LCOR: variants seen among roughly 807,000 people sequenced by gnomAD.
The protein encoded by LCOR is ligand-dependent corepressor.
LCOR carries 14 observed loss-of-function variants against 64.4 expected under a neutral mutation model. The ratio of observed to expected loss-of-function variants is 0.22; its 90% CI spans 0.14 to 0.34. LCOR has a LOEUF of 0.34. Ranked by LOEUF, LCOR falls within the 10% of genes least tolerant of loss-of-function variation. The pLI is 1.00. For missense variants in LCOR, 1,686 were observed against 1,765.3 expected, an observed-to-expected ratio of 0.96 and a Z score of 0.80; for synonymous variants, 643 against 642.5, an observed-to-expected ratio of 1.00 and a Z score of -0.01.
intron 4 of LCOR, among the ~76,000 whole-genome samples, chr10:96,909,308 T>C (rs1287331069): frequency 6.6e-6 from 1 of 152,234 alleles, no homozygotes; most frequent in Non-Finnish European, 1.5e-5. Context: ...TTCTTTCTAA[T>C]GATATCCCAC....
chr10:96,951,223 A>G (rs1018268794), intron 6 of LCOR, among the ~76,000 whole-genome samples: 12 of 152,166 alleles, frequency 7.9e-5, no homozygotes, highest in Non-Finnish European at 1.5e-5. Flanking sequence ...TATTTCAACA[A>G]GGAGAAAAAC....
intron 7 of LCOR, 54 bp downstream of exon 7, chr10:96,952,250 G>C: frequency 8.4e-7 from 1 of 1,196,494 alleles, no homozygotes; most frequent in Non-Finnish European, 1.2e-6. Context: ...ATTCATCAAA[G>C]GTTGATGCCA....
At chr10:96,965,952 T>C (rs1048193737) in intron 7 of LCOR, among the ~76,000 whole-genome samples, 1 of 151,990 alleles carries the variant, frequency 6.6e-6, no homozygotes, top group Non-Finnish European at 1.5e-5. Flanking sequence ...CATAAATGAA[T>C]TTGCTTTATT....
chr10:96,917,910 T>C (rs917516826), intron 4 of LCOR, among the ~76,000 whole-genome samples: 1 of 152,096 alleles, frequency 6.6e-6, no homozygotes, highest in South Asian at 2.1e-4. Context: ...AGGGAAAGTT[T>C]TGGTGCAGTG....
At chr10:96,887,398 C>G (rs1286280426) in intron 2 of LCOR, among the ~76,000 whole-genome samples, 1 of 151,930 alleles carries the variant, frequency 6.6e-6, no homozygotes, top group Non-Finnish European at 1.5e-5. Context: ...CCCGTCTCTA[C>G]TAAAAATACA....
rs1045232193 is a variant in LCOR, at chr10:96,990,407, A to G, written c.*5273A>G. ...CCCAGTTAATTTTTTTTTTTTTTCC[A>G]GTTTTAGCAGAAATGAGGTCTCACT... is the stretch of plus-strand genomic sequence containing the variant. On this transcript the variant is annotated 3_prime_UTR_variant, in exon 8 of 8. Transcript: ENST00000421806. 4 of 149,456 alleles carry G rather than the reference A, an allele frequency of 2.7e-5. No individual in the cohort carries two copies. Among genetic ancestry groups the G allele is most frequent in the Non-Finnish European group, 4.5e-5 (3 of 67,408 alleles). 9.3% of individuals were successfully genotyped at this position (149,456 alleles called of 1,614,324 possible). A position where few individuals can be genotyped will look rare whatever the true frequency, so the allele number is the denominator to read the frequency against.
intron 2 of LCOR, among the ~76,000 whole-genome samples, chr10:96,848,786 C>T (rs927733239): frequency 1.3e-5 from 2 of 152,062 alleles, no homozygotes; most frequent in Non-Finnish European, 2.9e-5. Flanking sequence ...TTATTTTGTT[C>T]AAAAACACAG....
intron 2 of LCOR, among the ~76,000 whole-genome samples, chr10:96,897,054 A>T (rs1846549222): frequency 9.4e-6 from 1 of 106,742 alleles, no homozygotes; most frequent in East Asian, 2.0e-4. Context: ...CCAAGGAATG[A>T]GAGAGAGAGA....
Position 96,983,798 on chromosome 10 carries a change from A to T in LCOR, c.3338A>T (p.Asn1113Ile). The change falls in exon 8 of 8, where the codon AAC (asparagine) becomes ATC (isoleucine). Residue 1113 changes from asparagine to isoleucine, a missense_variant. Asn to Ile is a moderately radical substitution (Grantham distance 149). Coordinates refer to ENST00000421806, the MANE Select transcript of LCOR (RefSeq NM_001346516.2). The surrounding 1 kb of genome is among the most constrained non-coding windows in gnomAD (Gnocchi z 4.5). Reference sequence around the variant, plus strand: ...GAGGAGAACCAAGAGCTCATCGCCAACTTCAATGCCCAGTACATGAAAGTT... The same window carrying T: ...GAGGAGAACCAAGAGCTCATCGCCATCTTCAATGCCCAGTACATGAAAGTT... Reference protein sequence around the residue: ...AEEENQELIANFNAQYMKVQK... With the variant: ...AEEENQELIAIFNAQYMKVQK... 6.2e-7 allele frequency: 1 copy of T among 1,614,184 alleles called. No homozygotes were observed. The highest frequency in any genetic ancestry group is 8.5e-7 in the Non-Finnish European group (1 of 1,180,034).
intron 4 of LCOR, among the ~76,000 whole-genome samples, chr10:96,938,205 C>T (rs1486937007): frequency 6.6e-6 from 1 of 152,106 alleles, no homozygotes; most frequent in Non-Finnish European, 1.5e-5. Flanking sequence ...GCGATCCTCC[C>T]CAGAGAGCTG....
At position 96,981,326 on chromosome 10, in the gene LCOR, A is replaced by C; in HGVS notation, c.866A>C (p.Glu289Ala). 6.2e-7 allele frequency: 1 copy of C among 1,604,246 alleles called. No homozygotes were observed. Among genetic ancestry groups the C allele is most frequent in the Middle Eastern group, 1.7e-4 (1 of 6,046 alleles). Residue 289 changes from glutamate (E) to alanine (A), a missense_variant, in exon 8 of 8, where the codon GAG (glutamate) becomes GCG (alanine). Glu to Ala is a moderately radical substitution (Grantham distance 107, BLOSUM62 -1). This residue lies in a region of LCOR where 313 missense variants were observed against 247.2 expected (regional missense o/e 1.27). Coordinates refer to ENST00000421806, the MANE Select transcript of LCOR (RefSeq NM_001346516.2). ...TTCCACCACATCCCTAAAATCTTGGAGGGGCAGACCACTGGACAAGAGCAA... is the reference window on the plus strand; with the variant it reads ...TTCCACCACATCCCTAAAATCTTGGCGGGGCAGACCACTGGACAAGAGCAA... ...VNFHHIPKIL[E>A]GQTTGQEQDT...
intron 7 of LCOR, chr10:96,959,143 A>G (rs1045116458): frequency 2.6e-5 from 4 of 152,084 alleles, no homozygotes; most frequent in African/African-American, 9.7e-5. Flanking sequence ...TTGATTTGCC[A>G]CTATTCTGTA....
At chr10:96,940,303 A>ATTTTTTTT (rs552752409) in intron 4 of LCOR, among the ~76,000 whole-genome samples, 39 of 65,456 alleles carry the variant, frequency 6.0e-4, no homozygotes, top group Admixed American at 8.4e-4. Context: ...GGTGGTCATG[A>ATTTTTTTT]TTTTTTTTTT....
chr10:96,850,824 A>G (rs1297421427), intron 2 of LCOR, among the ~76,000 whole-genome samples: 1 of 152,226 alleles, frequency 6.6e-6, no homozygotes, highest in Non-Finnish European at 1.5e-5. Context: ...CAGATTTTCT[A>G]GGGTCATCAC....
At chr10:96,897,563 T>C (rs1400528791) in intron 2 of LCOR, among the ~76,000 whole-genome samples, 1 of 152,240 alleles carries the variant, frequency 6.6e-6, no homozygotes, top group Non-Finnish European at 1.5e-5. Context: ...TGGTAACTTA[T>C]TTAATACCTT....
chr10:96,928,961 G>A (rs1432403442), intron 4 of LCOR, among the ~76,000 whole-genome samples: 1 of 152,098 alleles, frequency 6.6e-6, no homozygotes, highest in African/African-American at 2.4e-5. Context: ...TTTTCTTTCT[G>A]AGCAGTATGT....
chr10:96,835,000 A>G (rs148760298), intron 2 of LCOR, among the ~76,000 whole-genome samples: 1,829 of 152,306 alleles, frequency 0.012, 39 homozygotes, highest in African/African-American at 0.042. Flanking sequence ...TCCCAGGTTC[A>G]AGCGGTTCTT....
In LCOR at chr10:96,988,174, C is replaced by CAGG. The variant is rs1289246269; in HGVS notation, c.*3043_*3045dup. ...AGACTCCCTGCTATAGATGGACATG[C>CAGG]AGGAGACCACTCCCTCACTTGGGGT... On this transcript the variant is annotated 3_prime_UTR_variant, in exon 8 of 8. Coordinates refer to ENST00000421806, the MANE Select transcript of LCOR (RefSeq NM_001346516.2). 2.0e-5 allele frequency: 3 copies of CAGG among 152,228 alleles called. No homozygotes were observed. Among genetic ancestry groups the CAGG allele is most frequent in the Non-Finnish European group, 4.4e-5 (3 of 68,052 alleles). 9.4% of individuals were successfully genotyped at this position (152,228 alleles called of 1,614,324 possible).
chr10:96,865,651 G>C (rs138852116), intron 2 of LCOR, among the ~76,000 whole-genome samples: 1,843 of 152,210 alleles, frequency 0.012, 42 homozygotes, highest in African/African-American at 0.041. Flanking sequence ...GAGGTGGGCG[G>C]ATCACCTGAG....
Sources: gnomAD v4.1 joint callset for allele counts (sites outside exome capture counted in the v4.1 genomes callset) on GRCh38, gnomAD v4.1.1 for gene constraint, gnomAD v4.1.1 regional missense constraint, Gnocchi (gnomAD v3.1) non-coding constraint, MANE v1.5 for transcripts, NCBI Gene and HGNC (gene_info 2026-07-23, HGNC 2026-07-21) for gene names.